The following KIF7 variants were observed in gnomAD, a reference collection of about 807,000 sequenced individuals.
The protein encoded by KIF7 is kinesin-like protein KIF7.
KIF7 carries 104 observed loss-of-function variants against 135.7 expected under a neutral mutation model. The observed-to-expected ratio is 0.77, with a 90% confidence interval of 0.65 to 0.90. KIF7 has a LOEUF of 0.90. Ranked by LOEUF, KIF7 falls within the 40% of genes least tolerant of loss-of-function variation. The probability of loss-of-function intolerance (pLI) is 0.00; values close to 1 mark genes in which losing one functional copy is unlikely to be tolerated. For synonymous variants in KIF7, 883 were observed against 809.4 expected, an observed-to-expected ratio of 1.09 and a Z score of -1.54; for missense variants, 2,005 against 1,839.1, an observed-to-expected ratio of 1.09 and a Z score of -1.65.
chr15:89,645,085 G>A lies in KIF7; in HGVS notation c.2119C>T (p.Gln707Ter), dbSNP rs1963987401. 1.9e-6 allele frequency: 3 copies of A among 1,604,254 alleles called. No homozygotes were observed. Among genetic ancestry groups the A allele is most frequent in the African/African-American group, 1.3e-5 (1 of 74,924 alleles). ...ATAGCCAGCTCCCGGATCTTCTGCT[G>A]GGCCTGGGCCAGCCGCCACTCTGAG... is the stretch of plus-strand genomic sequence containing the variant. ...TASEWRLAQA[Q>*]QKIRELAINI... Residue 707 changes from glutamine to a stop codon, truncating the protein, a stop_gained, in exon 10 of 19, where the codon CAG (glutamine) becomes TAG (stop). Coordinates refer to ENST00000394412, the MANE Select transcript of KIF7 (RefSeq NM_198525.3). LOFTEE classifies it high-confidence loss of function.
chr15:89,624,018 C>T (rs914715203), downstream of KIF7: 27 of 1,614,012 alleles, frequency 1.7e-5, no homozygotes, highest in Non-Finnish European at 2.2e-5. Flanking sequence ...CTGCCCAGCC[C>T]AGGAGAGAGT....
chr15:89,624,872 C>A, downstream of KIF7: 1 of 1,614,008 alleles, frequency 6.2e-7, no homozygotes, highest in Non-Finnish European at 8.5e-7. Context: ...CCTCTGATGC[C>A]TTCCCGTGAC....
At position 89,652,793 on chromosome 15, in the gene KIF7, G is replaced by A. The variant is rs1446813984; in HGVS notation, c.138C>T (p.Arg46=). ...AGTGTCGGTCACGGCCCAGAGTGAC[G>A]CGGCCAAGCCCTGGCTCCACCTGCA... The part of the protein sequence containing the change: ...SCLQVEPGLG[R]VTLGRDRHFG... The change falls in exon 2 of 19, where the codon CGC becomes CGT. Residue 46 remains arginine (R), a synonymous_variant. Transcript: ENST00000394412. The A allele has an allele frequency of 2.1e-5, 32 of 1,551,142 alleles. No individual in the cohort carries two copies. Among genetic ancestry groups the A allele is most frequent in the Admixed American group, 3.9e-5 (2 of 50,988 alleles).
chr15:89,627,435 C>T (rs561268865), downstream of KIF7: 76 of 258,228 alleles, frequency 2.9e-4, no homozygotes, highest in Admixed American at 1.1e-3. Context: ...TGGAGAAAGG[C>T]GCCCTCCCTG....
chr15:89,625,030 C>T (rs1302873022), downstream of KIF7: 4 of 1,614,024 alleles, frequency 2.5e-6, no homozygotes, highest in Non-Finnish European at 3.4e-6. Context: ...TCCCAAACTT[C>T]GAATTAAGAA....
chr15:89,628,461 TCGTCGCAGTTCC>T lies in KIF7; in HGVS notation c.3978_3989del (p.Glu1327_Arg1330del). On this transcript the variant is annotated inframe_deletion, in exon 19 of 19. Coordinates refer to ENST00000394412, the MANE Select transcript of KIF7 (RefSeq NM_198525.3). ...GGACATCAATCATCCCCGGGCTGGCTCGTCGCAGTTCCCGCCGGGGCTTGGACAAAGGCCCAA... is the reference window on the plus strand; with the variant it reads ...GGACATCAATCATCCCCGGGCTGGCTCGCCGGGGCTTGGACAAAGGCCCAA... 1.9e-6 allele frequency: 3 copies of T among 1,609,118 alleles called. No homozygotes were observed. The highest frequency in any genetic ancestry group is 1.7e-6 in the Non-Finnish European group (2 of 1,177,242).
chr15:89,618,099 A>G, exon 2 of KIF7: 2 of 1,555,168 alleles, frequency 1.3e-6, no homozygotes, highest in South Asian at 1.1e-5. Context: ...TCTCCTTAAT[A>G]AGTGTTAATT....
At chr15:89,626,010 C>T, downstream of KIF7, 1 of 1,613,120 alleles carries the variant, frequency 6.2e-7, no homozygotes. Context: ...GACCCAGTCT[C>T]CGCTGCTGTT....
intron 11 of KIF7, among the ~76,000 whole-genome samples, chr15:89,637,549 C>G (rs894557079): frequency 3.9e-5 from 6 of 151,902 alleles, no homozygotes; most frequent in African/African-American, 1.5e-4. Flanking sequence ...CACCTCTACA[C>G]AAATAAACTA....
At chr15:89,652,469 G>A (rs1486380995) in intron 2 of KIF7, 134 bp downstream of exon 2, 1 of 738,704 alleles carries the variant, frequency 1.4e-6, no homozygotes, top group Non-Finnish European at 2.2e-6. Flanking sequence ...ACAGATCCCT[G>A]TCTAGGAAAT....
In KIF7 at chr15:89,632,951, C is replaced by A; in HGVS notation, c.2764G>T (p.Val922Leu). 6.2e-7 allele frequency: 1 copy of A among 1,607,886 alleles called. No individual in the cohort carries two copies. Among genetic ancestry groups the A allele is most frequent in the Non-Finnish European group, 8.5e-7 (1 of 1,179,610 alleles). ...TCCAGCGCCCGCCGCTGCTGTAGCA[C>A]CTTCTCCATCTCCTGGTCCAGCCAC... ...KKWLDQEMEK[V>L]LQQRRALEEL... Residue 922 changes from valine (V) to leucine (L), a missense_variant, in exon 14 of 19, where the codon GTG becomes TTG. Physicochemically the swap from Val to Leu is conservative, Grantham distance 32 (BLOSUM62 1). Coordinates refer to ENST00000394412, the MANE Select transcript of KIF7 (RefSeq NM_198525.3).
Position 89,633,008 on chromosome 15 carries a change from T to TAGGGAGGGAGGGAAGG in KIF7, c.2719-13_2719-12insCCTTCCCTCCCTCCCT. 1.8e-6 allele frequency: 2 copies of TAGGGAGGGAGGGAAGG among 1,092,416 alleles called. No homozygotes were observed. The highest frequency in any genetic ancestry group is 1.4e-6 in the Non-Finnish European group (1 of 739,726). The allele number at this position is 1,092,416 out of a possible 1,614,324, so 67.7% of individuals were successfully genotyped here. A position where few individuals can be genotyped will look rare whatever the true frequency, so the allele number is the denominator to read the frequency against. ...TGCTCCTCAATCTTCTAAGGAAAAG[T>TAGGGAGGGAGGGAAGG]AGGGAGGGAGGGAGGGAACTCAGGG... On this transcript the variant is annotated splice_polypyrimidine_tract_variant and intron_variant, in intron 13 of 18. Transcript: ENST00000394412.
intron 7 of KIF7, 122 bp from the exon 8 acceptor site, chr15:89,646,148 G>A (rs1380000861): frequency 3.2e-6 from 4 of 1,249,672 alleles, no homozygotes; most frequent in African/African-American, 1.5e-5. Flanking sequence ...CAGCTCAAAT[G>A]ACCCCTCTGG....
Position 89,652,691 on chromosome 15 carries a change from C to A in KIF7, c.240G>T (p.Glu80Asp). The change falls in exon 2 of 19, where the codon GAG becomes GAT. Residue 80 changes from glutamate (E) to aspartate (D), a missense_variant. Transcript: ENST00000394412. ...TGGCATTGAAGCCCTCGAAGAAGGC[C>A]TCAAGGAGGGGCTGAACGCAGGCCT... ...VYQACVQPLL[E>D]AFFEGFNATV... 1 of 1,551,776 alleles carries A rather than the reference C, an allele frequency of 6.4e-7. No homozygotes were observed. Among genetic ancestry groups the A allele is most frequent in the South Asian group, 1.2e-5 (1 of 84,042 alleles).
At position 89,649,876 on chromosome 15, in the gene KIF7, C is replaced by A; in HGVS notation, c.394G>T (p.Asp132Tyr). Residue 132 changes from aspartate (D) to tyrosine (Y), a missense_variant, in exon 3 of 19, where the codon GAT becomes TAT. Transcript: ENST00000394412. ...RAMAEAFKLI[D>Y]ENDLLDCLVH... ...AGACAGTCAAGCAGGTCGTTCTCAT[C>A]GATGAGCTTGAAGGCCTCGGCCATG... is the stretch of plus-strand genomic sequence containing the variant. 5 of 1,551,788 alleles carry A rather than the reference C, an allele frequency of 3.2e-6. No individual in the cohort carries two copies. Among genetic ancestry groups the A allele is most frequent in the Non-Finnish European group, 4.4e-6 (5 of 1,146,998 alleles).
At chr15:89,657,071 G>T (rs1964214139), upstream of KIF7, among the ~76,000 whole-genome samples, 1 of 152,134 alleles carries the variant, frequency 6.6e-6, no homozygotes, top group Non-Finnish European at 1.5e-5. Context: ...ACTCTAGGAG[G>T]CTGAGGCAGG....
chr15:89,622,620 A>T (rs773204024), intron 1 of KIF7, among the ~76,000 whole-genome samples: 1 of 152,172 alleles, frequency 6.6e-6, no homozygotes, highest in Non-Finnish European at 1.5e-5. Context: ...TGAAAACCAT[A>T]GATCTACACA....
chr15:89,617,766 A>T (rs1365444572), intron 2 of KIF7, among the ~76,000 whole-genome samples: 1 of 145,892 alleles, frequency 6.9e-6, no homozygotes, highest in Non-Finnish European at 1.5e-5. Flanking sequence ...ATCCTGGCTC[A>T]CTGCAACGTC....
chr15:89,639,915 G>C (rs1048780784), intron 11 of KIF7, among the ~76,000 whole-genome samples: 1 of 152,132 alleles, frequency 6.6e-6, no homozygotes, highest in Non-Finnish European at 1.5e-5. Flanking sequence ...ATGATAGACT[G>C]GATTAAGAAA....
Sources: allele counts gnomAD v4.1 joint callset (sites outside exome capture counted in the v4.1 genomes callset), GRCh38; gene constraint gnomAD v4.1.1; transcripts MANE v1.5; gene names NCBI Gene and HGNC (gene_info 2026-07-23, HGNC 2026-07-21).